Variants in ZNF83 observed in about 807,000 individuals in gnomAD.
The protein encoded by ZNF83 is zinc finger protein 83, also known as zinc finger protein 816B.
For synonymous variants in ZNF83, 209 were observed against 213.0 expected (o/e 0.98, Z 0.17); for missense variants, 552 against 629.9 (o/e 0.88, Z 1.32).
rs115088096 is a variant in ZNF83 at position 52,619,725 on chromosome 19, C to T, written c.-233-4928G>A. ...TGAGTGATGCCTTCAAAGATGACAA[C>T]GTCCACAGTGAAATAGCCGGGCTCA... On this transcript the variant is annotated intron_variant, in intron 2 of 2. Coordinates refer to ENST00000301096, the Ensembl canonical transcript of ZNF83. 5.6e-3 allele frequency among the ~76,000 whole-genome samples: 845 copies of T among 151,884 alleles called. 8 individuals carry two copies. The highest frequency in any genetic ancestry group is 0.019 in the African/African-American group (789 of 41,390).
chr19:52,657,071 G>T (rs914123020), intron 2 of ZNF83, among the ~76,000 whole-genome samples: 2 of 151,846 alleles, frequency 1.3e-5, no homozygotes, highest in African/African-American at 4.8e-5. Context: ...ATCCAAGATT[G>T]CACCACTGCA....
chr19:52,690,036 G>A (rs999031841), intron 1 of ZNF83, among the ~76,000 whole-genome samples: 25 of 152,180 alleles, frequency 1.6e-4, no homozygotes, highest in East Asian at 5.8e-4. Context: ...CTAGGCAGAG[G>A]ACACGGCCTC....
chr19:52,622,821 C>A (rs1194461853), intron 2 of ZNF83, among the ~76,000 whole-genome samples: 4 of 152,204 alleles, frequency 2.6e-5, no homozygotes, highest in Non-Finnish European at 5.9e-5. Context: ...TCAAACCCCA[C>A]AACAGGAATT....
At chr19:52,616,139 A>G (rs1460747391) in intron 2 of ZNF83, among the ~76,000 whole-genome samples, 1 of 152,216 alleles carries the variant, frequency 6.6e-6, no homozygotes, top group African/African-American at 2.4e-5. Context: ...CGCCCAGCCA[A>G]ATCTTTTCTT....
chr19:52,670,938 C>T lies in ZNF83; in HGVS notation c.-282-10095G>A, dbSNP rs940336279. 1.8e-4 allele frequency among the ~76,000 whole-genome samples: 28 copies of T among 152,160 alleles called. 1 individual carries two copies. Among genetic ancestry groups the T allele is most frequent in the Admixed American group, 1.2e-3 (19 of 15,278 alleles). The stretch of plus-strand genomic sequence containing the variant: ...TTGGAGACCAAGGTTCTTTTGAAGT[C>T]CTCTGCTGGCTGCCTTCAGAGAAAA... On this transcript the variant is annotated intron_variant, in intron 1 of 5. Coordinates refer to the ZNF83 transcript ENST00000594682.
At chr19:52,613,494 A>G in exon 3 of ZNF83, 1 of 1,614,034 alleles carries the variant, frequency 6.2e-7, no homozygotes, top group Non-Finnish European at 8.5e-7. Flanking sequence ...CAAGGTATGA[A>G]TTGCGACTGA....
chr19:52,642,191 G>A (rs1441270049), upstream of ZNF83, among the ~76,000 whole-genome samples: 1 of 149,960 alleles, frequency 6.7e-6, no homozygotes, highest in Non-Finnish European at 1.5e-5. Context: ...ACATTGCCAG[G>A]GTAAAATTCA....
At chr19:52,671,629 G>T (rs2061727949) in intron 1 of ZNF83, among the ~76,000 whole-genome samples, 1 of 152,048 alleles carries the variant, frequency 6.6e-6, no homozygotes. Context: ...ACTTTGTAGA[G>T]GGGTGGTCCC....
At chr19:52,642,859 A>G (rs2061326096), upstream of ZNF83, among the ~76,000 whole-genome samples, 1 of 152,090 alleles carries the variant, frequency 6.6e-6, no homozygotes, top group Non-Finnish European at 1.5e-5. Context: ...TGTCTCTACT[A>G]AAAATACAAA....
At chr19:52,637,954 T>G (rs1428349120) in intron 1 of ZNF83, among the ~76,000 whole-genome samples, 1 of 152,066 alleles carries the variant, frequency 6.6e-6, no homozygotes, top group Non-Finnish European at 1.5e-5. Flanking sequence ...GCCCTGGCGC[T>G]GCGCTCCAGT....
intron 1 of ZNF83, among the ~76,000 whole-genome samples, chr19:52,668,134 G>A (rs2061678935): frequency 6.6e-6 from 1 of 152,156 alleles, no homozygotes; most frequent in South Asian, 2.1e-4. Context: ...ACAGGCGCCA[G>A]CTTCGGAGTT....
At chr19:52,657,545 T>C (rs530152317) in intron 2 of ZNF83, among the ~76,000 whole-genome samples, 1 of 152,136 alleles carries the variant, frequency 6.6e-6, no homozygotes, top group Non-Finnish European at 1.5e-5. Flanking sequence ...TAAAATAATT[T>C]TTTAAAAAAG....
At position 52,634,394 on chromosome 19, in the gene ZNF83, C is replaced by G. The variant is rs114680594; in HGVS notation, c.-234+672G>C. ...ATAGTAACTATTTTTACCAAAAACA[C>G]CTGTTTCAGAAGCCTCTTAACACCA... On this transcript the variant is annotated intron_variant, in intron 2 of 2. Coordinates refer to ENST00000301096, the Ensembl canonical transcript of ZNF83. 5.6e-3 allele frequency among the ~76,000 whole-genome samples: 848 copies of G among 152,260 alleles called. 6 individuals carry two copies. Among genetic ancestry groups the G allele is most frequent in the African/African-American group, 0.019 (785 of 41,524 alleles).
intron 1 of ZNF83, among the ~76,000 whole-genome samples, chr19:52,682,936 T>C (rs1319781446): frequency 6.6e-6 from 1 of 152,128 alleles, no homozygotes; most frequent in African/African-American, 2.4e-5. Context: ...AGTGGCACCA[T>C]CTCGGATTAC....
intron 1 of ZNF83, among the ~76,000 whole-genome samples, chr19:52,667,676 C>G (rs1045942917): frequency 6.6e-6 from 1 of 152,066 alleles, no homozygotes; most frequent in Non-Finnish European, 1.5e-5. Flanking sequence ...GGGGTAATAT[C>G]CAGTTTTTCT....
chr19:52,671,206 G>A (rs191776620), intron 1 of ZNF83, among the ~76,000 whole-genome samples: 79 of 152,058 alleles, frequency 5.2e-4, no homozygotes, highest in Admixed American at 2.4e-3. Flanking sequence ...GGTTTGTAAG[G>A]CATGACCCCC....
At chr19:52,690,011 T>C (rs562558858) in intron 1 of ZNF83, among the ~76,000 whole-genome samples, 4 of 152,230 alleles carry the variant, frequency 2.6e-5, no homozygotes, top group East Asian at 3.9e-4. Context: ...GGGTGGGGTC[T>C]GCAGGATCCC....
chr19:52,618,762 A>G (rs2060416983), intron 2 of ZNF83: 1 of 1,178,812 alleles, frequency 8.5e-7, no homozygotes. Context: ...AGAACGCAGA[A>G]CATCTAAAAA....
At chr19:52,625,827 C>T (rs909435634) in intron 2 of ZNF83, among the ~76,000 whole-genome samples, 1 of 152,124 alleles carries the variant, frequency 6.6e-6, no homozygotes, top group Non-Finnish European at 1.5e-5. Flanking sequence ...GAACCTCCCC[C>T]TCTACACAGT....
Sources: gnomAD v4.1 joint callset for allele counts (sites outside exome capture counted in the v4.1 genomes callset) on GRCh38, gnomAD v4.1.1 for gene constraint, MANE v1.5 for transcripts, NCBI Gene and HGNC (gene_info 2026-07-23, HGNC 2026-07-21) for gene names.